TAS1R2: variants seen among roughly 807,000 people sequenced by gnomAD.
TAS1R2 encodes taste 1 receptor member 2.
In TAS1R2, 47 loss-of-function variants were observed where a neutral mutation model predicts 49.3. The observed-to-expected ratio is 0.95, with a 90% CI of 0.75 to 1.22. TAS1R2 has a LOEUF of 1.22. Among genes scored for constraint, TAS1R2 ranks in the 50% most tolerant of loss-of-function variants. The pLI is 0.00. For missense variants in TAS1R2, 1,155 were observed against 1,122.1 expected, an observed-to-expected ratio of 1.03 and a Z score of -0.42; for synonymous variants, 479 against 467.9, an observed-to-expected ratio of 1.02 and a Z score of -0.31.
At chr1:18,843,112 T>C (rs1933856764) in intron 4 of TAS1R2, among the ~76,000 whole-genome samples, 1 of 152,214 alleles carries the variant, frequency 6.6e-6, no homozygotes, top group East Asian at 1.9e-4. Context: ...ACATTCACTA[T>C]CTTATCGTAG....
chr1:18,849,287 A>G, intron 4 of TAS1R2, 54 bp downstream of exon 4: 1 of 1,590,406 alleles, frequency 6.3e-7, no homozygotes, highest in East Asian at 2.2e-5. Context: ...CCACTCCAGC[A>G]AGGGCCCCAG....
At chr1:18,853,096 T>C (rs971536415) in intron 3 of TAS1R2, among the ~76,000 whole-genome samples, 1 of 152,198 alleles carries the variant, frequency 6.6e-6, no homozygotes, top group Non-Finnish European at 1.5e-5. Flanking sequence ...CACAGCAGAA[T>C]GGGCCAGACC....
intron 2 of TAS1R2, among the ~76,000 whole-genome samples, chr1:18,856,838 C>T (rs142315052): frequency 1.1e-3 from 170 of 152,312 alleles, no homozygotes; most frequent in Non-Finnish European, 2.1e-3. Context: ...AGTAGTAATA[C>T]AAATCACCCT....
intron 5 of TAS1R2, among the ~76,000 whole-genome samples, chr1:18,840,932 G>C (rs1557595025): frequency 6.6e-6 from 1 of 152,162 alleles, no homozygotes; most frequent in Non-Finnish European, 1.5e-5. Flanking sequence ...TTGTGACAGG[G>C]ACCTGGGGTG....
At chr1:18,846,662 C>A (rs1417455019) in intron 4 of TAS1R2, among the ~76,000 whole-genome samples, 1 of 152,182 alleles carries the variant, frequency 6.6e-6, no homozygotes, top group African/African-American at 2.4e-5. Context: ...ATGAAGTCAT[C>A]CTGGAGGAGG....
exon 4 of TAS1R2, chr1:18,849,521 G>A (rs2100515330): frequency 6.2e-7 from 1 of 1,614,236 alleles, no homozygotes. Flanking sequence ...CCAGGAGAGT[G>A]AAGTTGACCT....
At chr1:18,849,169 A>T in intron 4 of TAS1R2, 172 bp downstream of exon 4, 1 of 720,222 alleles carries the variant, frequency 1.4e-6, no homozygotes, top group Non-Finnish European at 2.2e-6. Flanking sequence ...CATAGTTCCC[A>T]ATCAATGGGG....
rs181489090 is a variant in TAS1R2, at chr1:18,855,309, T to A, written c.484-323A>T. Among the ~76,000 whole-genome samples the A allele has an allele frequency of 7.9e-5, 12 of 152,242 alleles. No individual in the cohort carries two copies. In the East Asian group the frequency reaches 2.1e-3, roughly 27 times the overall value. Reference sequence around the variant, plus strand: ...ACACTGGCTTTTATTGAGAACCACATCCTGGGCTAGGTGAATGACATAGCC... The same window carrying A: ...ACACTGGCTTTTATTGAGAACCACAACCTGGGCTAGGTGAATGACATAGCC... On this transcript the variant is annotated intron_variant, in intron 2 of 5. Coordinates refer to ENST00000375371, the Ensembl canonical transcript of TAS1R2.
exon 1 of TAS1R2, chr1:18,859,559 G>A: frequency 1.2e-6 from 2 of 1,614,212 alleles, no homozygotes; most frequent in Non-Finnish European, 1.7e-6. Context: ...GGCCACCCAG[G>A]AGGTAATCCC....
rs1350417180 is a variant in TAS1R2 at position 18,854,103 on chromosome 1, T to C, written c.1257+110A>G. 8.4e-6 allele frequency: 9 copies of C among 1,074,178 alleles called. No homozygotes were observed. Among genetic ancestry groups the C allele is most frequent in the Middle Eastern group, 2.5e-4 (1 of 3,982 alleles). 66.5% of individuals were successfully genotyped at this position (1,074,178 alleles called of 1,614,324 possible). ...TTTTGGCACCAGGAAGGACTAGTGC[T>C]ATGTGTCTGGAAGAATGGGATACTC... On this transcript the variant is annotated intron_variant, in intron 3 of 5. Transcript: ENST00000375371. This position sits in a 1 kb window ranked among gnomAD's most constrained non-coding sequence, Gnocchi z 4.9.
Position 18,854,132 on chromosome 1 carries a change from C to T in TAS1R2, c.1257+81G>A. ...TGTCTGGAAGAATGGGATACTCATG[C>T]CCTTTCACACCCATTTGCCCAGAAC... On this transcript the variant is annotated intron_variant, in intron 3 of 5. Coordinates refer to ENST00000375371, the Ensembl canonical transcript of TAS1R2. This position sits in a 1 kb window ranked among gnomAD's most constrained non-coding sequence, Gnocchi z 4.9. The T allele has an allele frequency of 2.2e-6, 3 of 1,362,434 alleles. No homozygotes were observed. The highest frequency in any genetic ancestry group is 2.0e-6 in the Non-Finnish European group (2 of 994,634). The allele number at this position is 1,362,434 out of a possible 1,614,324, so 84.4% of individuals were successfully genotyped here. A position where few individuals can be genotyped will look rare whatever the true frequency, so the allele number is the denominator to read the frequency against.
At chr1:18,844,525 C>A (rs193007484) in intron 4 of TAS1R2, among the ~76,000 whole-genome samples, 10 of 152,212 alleles carry the variant, frequency 6.6e-5, no homozygotes, top group African/African-American at 2.4e-4. Context: ...AGGCCAAGGT[C>A]GGCAGATCAA....
chr1:18,855,518 C>A (rs1262940672), intron 2 of TAS1R2, among the ~76,000 whole-genome samples: 1 of 152,156 alleles, frequency 6.6e-6, no homozygotes. Flanking sequence ...GACCTCTTAA[C>A]CTTGGAGGAC....
rs572822233 is a variant in TAS1R2, at chr1:18,856,237, C to T, written c.483+1094G>A. On this transcript the variant is annotated intron_variant, in intron 2 of 5. Coordinates refer to ENST00000375371, the Ensembl canonical transcript of TAS1R2. ...CTAGTTCCGCAAACATACCAGGCAC[C>T]TCCTGGCCTTGGCACTTGCTAACCC... Among the ~76,000 whole-genome samples, 6 of 152,264 alleles carry T rather than the reference C, an allele frequency of 3.9e-5. No individual in the cohort carries two copies. The East Asian group carries it at 1.2e-3, about 29-fold the overall frequency.
In TAS1R2 at chr1:18,859,388, G is replaced by A. The variant is rs887414330; in HGVS notation, c.182+91C>T. The A allele has an allele frequency of 2.0e-6, 3 of 1,497,848 alleles. No homozygotes were observed. In the African/African-American group the frequency reaches 4.1e-5, roughly 21 times the overall value. 92.8% of individuals were successfully genotyped at this position (1,497,848 alleles called of 1,614,324 possible). On this transcript the variant is annotated intron_variant, in intron 1 of 5. Transcript: ENST00000375371. The stretch of plus-strand genomic sequence containing the variant: ...TGGGGAGGAGTGCTTTAAGCCCTTG[G>A]TCCTGGTCTGGCTCCCAAGGACCCA...
At chr1:18,842,569 G>T (rs752736580) in intron 4 of TAS1R2, among the ~76,000 whole-genome samples, 1 of 152,212 alleles carries the variant, frequency 6.6e-6, no homozygotes, top group Non-Finnish European at 1.5e-5. Context: ...GAAGTTTGGG[G>T]AATTCAAAGA....
chr1:18,850,374 C>A (rs977823940), intron 3 of TAS1R2, among the ~76,000 whole-genome samples: 45 of 152,252 alleles, frequency 3.0e-4, no homozygotes, highest in African/African-American at 1.0e-3. Context: ...GCTCACCTGG[C>A]CTCAGGGACT....
intron 5 of TAS1R2, among the ~76,000 whole-genome samples, chr1:18,841,304 G>C (rs79578790): frequency 6.6e-6 from 1 of 152,202 alleles, no homozygotes; most frequent in South Asian, 2.1e-4. Flanking sequence ...TTTGAGCTAC[G>C]CTAGGCACTT....
At position 18,854,906 on chromosome 1, in the gene TAS1R2, G is replaced by A. The variant is rs756462385; in HGVS notation, c.564C>T (p.Asp188=). The A allele has an allele frequency of 1.9e-6, 3 of 1,613,392 alleles. No homozygotes were observed. The Admixed American group carries it at 5.0e-5, about 27-fold the overall frequency. The stretch of plus-strand genomic sequence containing the variant: ...GCTGCACCATGGCCTCGATGTGGTG[G>A]TCGGCGCTGGGTGTGGTACGCAGCA... The change falls in exon 3 of 6, where the codon GAC becomes GAT. Residue 188 remains aspartate, a synonymous_variant. Transcript: ENST00000375371. The surrounding 1 kb of genome is among the most constrained non-coding windows in gnomAD (Gnocchi z 4.9).
Sources: allele counts gnomAD v4.1 joint callset (sites outside exome capture counted in the v4.1 genomes callset), GRCh38; gene constraint gnomAD v4.1.1; non-coding constraint Gnocchi (gnomAD v3.1); transcripts MANE v1.5; gene names NCBI Gene and HGNC (gene_info 2026-07-23, HGNC 2026-07-21).